The following ZMAT5 variants were observed in gnomAD, a reference collection of about 807,000 sequenced individuals.
The protein encoded by ZMAT5 is zinc finger matrin-type 5.
Under a neutral mutation model 28.0 loss-of-function variants are expected in ZMAT5, and 23 were observed. That is an observed-to-expected ratio of 0.82 (90% CI 0.59 to 1.16). The LOEUF is 1.16. Ranked by LOEUF, ZMAT5 falls within the 50% of genes most tolerant of loss-of-function variation. The pLI is 0.00. For synonymous variants in ZMAT5, 76 were observed against 84.1 expected (o/e 0.90, Z 0.52); for missense variants, 173 against 212.7 (o/e 0.81, Z 1.16).
At chr22:29,750,111 C>T (rs929302112) in intron 1 of ZMAT5, among the ~76,000 whole-genome samples, 6 of 152,194 alleles carry the variant, frequency 3.9e-5, no homozygotes, top group African/African-American at 1.4e-4. Flanking sequence ...TTGTTTACTG[C>T]TGGAGCCCCA....
At chr22:29,756,051 C>T (rs973626166) in intron 1 of ZMAT5, among the ~76,000 whole-genome samples, 8 of 152,276 alleles carry the variant, frequency 5.3e-5, no homozygotes, top group African/African-American at 1.9e-4. Context: ...GGCTTTGGCA[C>T]AAGGCAAAAA....
chr22:29,760,867 T>C (rs1276316162), intron 1 of ZMAT5, among the ~76,000 whole-genome samples: 1 of 152,214 alleles, frequency 6.6e-6, no homozygotes, highest in African/African-American at 2.4e-5. Flanking sequence ...ATAAGTGTCT[T>C]GTCACACTCC....
chr22:29,743,629 G>T (rs1245731863), intron 2 of ZMAT5, among the ~76,000 whole-genome samples: 1 of 151,406 alleles, frequency 6.6e-6, no homozygotes, highest in African/African-American at 2.4e-5. Flanking sequence ...ATGGGGTTTC[G>T]CCATGTTACC....
intron 1 of ZMAT5, among the ~76,000 whole-genome samples, chr22:29,756,216 A>T (rs192531668): frequency 1.3e-5 from 2 of 152,292 alleles, no homozygotes; most frequent in East Asian, 3.9e-4. Flanking sequence ...CAGCCAGAGG[A>T]CGGCTTTATT....
At position 29,731,179 on chromosome 22, in the gene ZMAT5, C is replaced by T; in HGVS notation, c.*46G>A. 1 of 1,453,616 alleles carries T rather than the reference C, an allele frequency of 6.9e-7. No homozygotes were observed. Among genetic ancestry groups the T allele is most frequent in the Non-Finnish European group, 9.0e-7 (1 of 1,110,314 alleles). 90.0% of individuals were successfully genotyped at this position (1,453,616 alleles called of 1,614,324 possible). On this transcript the variant is annotated 3_prime_UTR_variant, in exon 6 of 6. Transcript: ENST00000344318. ...AACCGGGCTTGGCTTCCTATTGTGACTGATGAGAAAAGTGACCACGTGGGG... is the reference window on the plus strand; with the variant it reads ...AACCGGGCTTGGCTTCCTATTGTGATTGATGAGAAAAGTGACCACGTGGGG...
chr22:29,732,261 C>A (rs1677221204), intron 5 of ZMAT5, among the ~76,000 whole-genome samples: 1 of 152,216 alleles, frequency 6.6e-6, no homozygotes, highest in South Asian at 2.1e-4. Flanking sequence ...CCCCAGCTGC[C>A]TATACAAGAC....
chr22:29,758,374 G>T (rs2068123762), intron 1 of ZMAT5, among the ~76,000 whole-genome samples: 1 of 152,200 alleles, frequency 6.6e-6, no homozygotes, highest in Admixed American at 6.5e-5. Context: ...CCAGCACCTT[G>T]GGAGGCCAAG....
At chr22:29,755,391 GAA>G (rs1259804194) in intron 1 of ZMAT5, among the ~76,000 whole-genome samples, 6 of 144,130 alleles carry the variant, frequency 4.2e-5, no homozygotes, top group African/African-American at 7.9e-5. Context: ...GAGAAAGAAA[GAA>G]AAAGAAAAGA....
At chr22:29,745,387 C>T (rs2068000505) in intron 2 of ZMAT5, among the ~76,000 whole-genome samples, 1 of 152,200 alleles carries the variant, frequency 6.6e-6, no homozygotes, top group Admixed American at 6.5e-5. Context: ...GAGGCCTGGG[C>T]AGGACAGGGG....
At chr22:29,753,342 C>G (rs144723938) in intron 1 of ZMAT5, among the ~76,000 whole-genome samples, 3 of 152,228 alleles carry the variant, frequency 2.0e-5, no homozygotes, top group East Asian at 1.9e-4. Context: ...CTGGCCAACA[C>G]AGTGAAACCC....
At chr22:29,741,943 C>T (rs2067966838) in intron 3 of ZMAT5, among the ~76,000 whole-genome samples, 1 of 152,188 alleles carries the variant, frequency 6.6e-6, no homozygotes, top group South Asian at 2.1e-4. Flanking sequence ...AGTGAGGCAC[C>T]ATGCTCGGCC....
intron 5 of ZMAT5, among the ~76,000 whole-genome samples, chr22:29,732,776 T>C (rs2067863912): frequency 7.0e-6 from 1 of 142,210 alleles, no homozygotes; most frequent in African/African-American, 2.6e-5. Context: ...CACATGCACA[T>C]CCACATCCAC....
At chr22:29,755,968 C>T (rs775444730) in intron 1 of ZMAT5, among the ~76,000 whole-genome samples, 1 of 152,262 alleles carries the variant, frequency 6.6e-6, no homozygotes, top group Non-Finnish European at 1.5e-5. Context: ...GAGGCTGCTA[C>T]AGGGCAAACA....
Position 29,742,521 on chromosome 22 carries a change from T to A in ZMAT5, c.128-41A>T, listed in dbSNP as rs755833055. ...GGGACGGGATTCGGATGGTTCAGGCTCCACCAAAGGAGGCAGGAAGTGGAA... is the reference window on the plus strand; with the variant it reads ...GGGACGGGATTCGGATGGTTCAGGCACCACCAAAGGAGGCAGGAAGTGGAA... On this transcript the variant is annotated intron_variant, in intron 2 of 5. Transcript: ENST00000344318. 4 of 1,603,416 alleles carry A rather than the reference T, an allele frequency of 2.5e-6. No individual in the cohort carries two copies. The Admixed American group carries it at 6.7e-5, about 27-fold the overall frequency.
intron 1 of ZMAT5, among the ~76,000 whole-genome samples, chr22:29,763,902 T>C (rs1378649694): frequency 6.7e-6 from 1 of 148,874 alleles, no homozygotes; most frequent in Non-Finnish European, 1.5e-5. Flanking sequence ...CAGTGAACTA[T>C]GATCGTGCCA....
intron 2 of ZMAT5, 95 bp downstream of exon 2, chr22:29,748,323 G>C (rs2068026933): frequency 6.3e-7 from 1 of 1,581,608 alleles, no homozygotes. Flanking sequence ...AAAGAGCCCA[G>C]ACCTAGACTG....
chr22:29,732,281 A>G (rs1235184727), intron 5 of ZMAT5, among the ~76,000 whole-genome samples: 1 of 152,264 alleles, frequency 6.6e-6, no homozygotes, highest in Non-Finnish European at 1.5e-5. Flanking sequence ...CCTTTCTGGA[A>G]GGCAGAGCCT....
chr22:29,752,354 A>G (rs1402059824), intron 1 of ZMAT5, among the ~76,000 whole-genome samples: 1 of 152,114 alleles, frequency 6.6e-6, no homozygotes, highest in Non-Finnish European at 1.5e-5. Context: ...GTGGGTGTTC[A>G]TGTTTTCCCC....
At chr22:29,738,552 T>C (rs1173435006) in intron 4 of ZMAT5, 111 bp from the exon 5 acceptor site, 3 of 888,842 alleles carry the variant, frequency 3.4e-6, no homozygotes, top group Non-Finnish European at 5.2e-6. Flanking sequence ...CCTGGGAAGT[T>C]GCAGCAACCT....
Sources: gnomAD v4.1 joint callset for allele counts (sites outside exome capture counted in the v4.1 genomes callset) on GRCh38, gnomAD v4.1.1 for gene constraint, MANE v1.5 for transcripts, NCBI Gene and HGNC (gene_info 2026-07-23, HGNC 2026-07-21) for gene names.